Variants in FBXL2 observed in about 807,000 individuals in gnomAD.
FBXL2 encodes F-box and leucine rich repeat protein 2.
Under a neutral mutation model 69.2 loss-of-function variants are expected in FBXL2, and 38 were observed. The ratio of observed to expected loss-of-function variants is 0.55; its 90% confidence interval spans 0.42 to 0.72. The LOEUF (loss-of-function observed/expected upper bound fraction) is 0.72, where lower values mean the gene tolerates loss of function less well. Among genes scored for constraint, FBXL2 ranks in the 30% least tolerant of loss-of-function variants. The pLI, the probability that FBXL2 is intolerant of heterozygous loss-of-function variation, is 0.00. For synonymous variants in FBXL2, 192 were observed against 201.3 expected (o/e 0.95, Z 0.39); for missense variants, 354 against 520.3 (o/e 0.68, Z 3.11).
downstream of FBXL2, chr3:33,392,687 T>G: frequency 7.2e-7 from 1 of 1,386,260 alleles, no homozygotes; most frequent in South Asian, 1.3e-5. Flanking sequence ...TTTAAAACAG[T>G]AAATATTCTT....
At chr3:33,416,676 G>T in the FBXL2 span, 1 of 1,070,656 alleles carries the variant, frequency 9.3e-7, no homozygotes, top group Non-Finnish European at 1.3e-6. Flanking sequence ...AACAATTATT[G>T]AAGTGAAATT....
At chr3:33,367,784 C>T (rs1468737266) in intron 5 of FBXL2, among the ~76,000 whole-genome samples, 4 of 151,200 alleles carry the variant, frequency 2.6e-5, no homozygotes, top group Non-Finnish European at 5.9e-5. Context: ...TGTTTTTTCT[C>T]TAGTTTCTTA....
intron 2 of FBXL2, among the ~76,000 whole-genome samples, chr3:33,340,294 G>T (rs867915473): frequency 6.6e-6 from 1 of 152,082 alleles, no homozygotes; most frequent in Non-Finnish European, 1.5e-5. Context: ...AATCATTTTT[G>T]TGGGGGCGTA....
At chr3:33,278,978 A>T (rs2033649504) in intron 1 of FBXL2, among the ~76,000 whole-genome samples, 1 of 152,036 alleles carries the variant, frequency 6.6e-6, no homozygotes, top group South Asian at 2.1e-4. Flanking sequence ...ATTTTCCTTT[A>T]TTTTTACTTC....
At chr3:33,326,317 G>A (rs989530263) in intron 2 of FBXL2, among the ~76,000 whole-genome samples, 3 of 151,956 alleles carry the variant, frequency 2.0e-5, no homozygotes, top group African/African-American at 2.4e-5. Flanking sequence ...TGGCTAACAC[G>A]GTGAAACCCC....
At chr3:33,343,488 C>T (rs1316903016) in intron 2 of FBXL2, among the ~76,000 whole-genome samples, 1 of 151,716 alleles carries the variant, frequency 6.6e-6, no homozygotes, top group Non-Finnish European at 1.5e-5. Flanking sequence ...AATAATGGAA[C>T]AAAAATTATG....
At chr3:33,383,210 G>C (rs868098122) in intron 13 of FBXL2, 2 of 152,332 alleles carry the variant, frequency 1.3e-5, no homozygotes, top group South Asian at 4.1e-4. Context: ...GGCTGGGACA[G>C]AGTTAGAACT....
chr3:33,378,224 A>G (rs1344986867), intron 12 of FBXL2, 77 bp downstream of exon 12: 2 of 1,399,876 alleles, frequency 1.4e-6, no homozygotes, highest in Non-Finnish European at 2.0e-6. Context: ...AGCCAGAGAC[A>G]CTGACTCGCT....
At chr3:33,358,877 A>C in intron 2 of FBXL2, 90 bp from the exon 3 acceptor site, 1 of 691,928 alleles carries the variant, frequency 1.4e-6, no homozygotes, top group Non-Finnish European at 2.3e-6. Flanking sequence ...TTATGTATCC[A>C]GGTGGCGGAT....
chr3:33,332,835 A>G lies in FBXL2; in HGVS notation c.66-26132A>G, dbSNP rs190046666. 1.8e-4 allele frequency among the ~76,000 whole-genome samples: 28 copies of G among 152,364 alleles called. 1 individual carries two copies. The highest frequency in any genetic ancestry group is 3.4e-4 in the Non-Finnish European group (23 of 68,036). On this transcript the variant is annotated intron_variant, in intron 2 of 14. Coordinates refer to ENST00000484457, the MANE Select transcript of FBXL2 (RefSeq NM_012157.5). The stretch of plus-strand genomic sequence containing the variant: ...TATTATAATCTAGGATCACCATCAT[A>G]TATGTGGTTGATCGTTGAGCAAAAC...
At chr3:33,335,510 A>T (rs1180933797) in intron 2 of FBXL2, among the ~76,000 whole-genome samples, 1 of 152,214 alleles carries the variant, frequency 6.6e-6, no homozygotes, top group Non-Finnish European at 1.5e-5. Flanking sequence ...ACTGCACTCC[A>T]GCCTGGGTGA....
intron 2 of FBXL2, among the ~76,000 whole-genome samples, chr3:33,309,189 A>G (rs947285072): frequency 6.6e-6 from 1 of 152,110 alleles, no homozygotes; most frequent in African/African-American, 2.4e-5. Flanking sequence ...ATCTCTATCT[A>G]CTATTTCTGT....
At chr3:33,320,543 G>A (rs551376353) in intron 2 of FBXL2, among the ~76,000 whole-genome samples, 2 of 151,160 alleles carry the variant, frequency 1.3e-5, no homozygotes, top group African/African-American at 2.4e-5. Flanking sequence ...GTGGAGTGGC[G>A]CAATCTCAGC....
At chr3:33,422,551 T>C in the FBXL2 span, among the ~76,000 whole-genome samples, 1 of 151,936 alleles carries the variant, frequency 6.6e-6, no homozygotes, top group Non-Finnish European at 1.5e-5. Context: ...AGATCCGCCA[T>C]CTCTACGAAA....
At chr3:33,289,771 G>T (rs936371548) in intron 1 of FBXL2, 2 of 817,538 alleles carry the variant, frequency 2.4e-6, no homozygotes, top group Non-Finnish European at 2.9e-6. Context: ...GCAAGGGAAA[G>T]AGAGCTAAGA....
At chr3:33,396,757 T>G (rs1284456149) in intron 12 of FBXL2, 2 of 589,724 alleles carry the variant, frequency 3.4e-6, no homozygotes, top group South Asian at 3.0e-5. Context: ...AAATTAGAAG[T>G]TTTGTTTTCT....
At chr3:33,348,009 A>C (rs1011508080) in intron 2 of FBXL2, among the ~76,000 whole-genome samples, 6 of 152,116 alleles carry the variant, frequency 3.9e-5, no homozygotes, top group African/African-American at 1.4e-4. Context: ...TTTGCTGTGC[A>C]GAAGCTTTTT....
intron 2 of FBXL2, among the ~76,000 whole-genome samples, chr3:33,306,983 T>G (rs1294154260): frequency 6.6e-6 from 1 of 152,052 alleles, no homozygotes; most frequent in Non-Finnish European, 1.5e-5. Flanking sequence ...ATAGGAAAGG[T>G]GGGGGAAATG....
intron 1 of FBXL2, 118 bp downstream of exon 1, chr3:33,277,633 CG>C: frequency 1.8e-6 from 2 of 1,085,342 alleles, no homozygotes; most frequent in Non-Finnish European, 2.4e-6. Context: ...GAGGCCGGGC[CG>C]CGGCCTGCGA....
Sources: gnomAD v4.1 joint callset for allele counts (sites outside exome capture counted in the v4.1 genomes callset) on GRCh38, gnomAD v4.1.1 for gene constraint, MANE v1.5 for transcripts, NCBI Gene and HGNC (gene_info 2026-07-23, HGNC 2026-07-21) for gene names.